The following TASP1 variants were observed in gnomAD, a reference collection of about 807,000 sequenced individuals.
The protein encoded by TASP1 is taspase 1.
TASP1 carries 16 observed loss-of-function variants against 56.6 expected under a neutral mutation model. That is an observed-to-expected ratio of 0.28 (90% CI 0.19 to 0.43). The LOEUF is 0.43. Ranked by LOEUF, TASP1 falls within the 20% of genes least tolerant of loss-of-function variation. TASP1 has a pLI of 1.00. For synonymous variants in TASP1, 179 were observed against 184.2 expected, an observed-to-expected ratio of 0.97 and a Z score of 0.23; for missense variants, 393 against 511.6, an observed-to-expected ratio of 0.77 and a Z score of 2.24.
chr20:13,520,393 CA>C (rs1204276323), intron 10 of TASP1, among the ~76,000 whole-genome samples: 2 of 152,136 alleles, frequency 1.3e-5, no homozygotes, highest in Non-Finnish European at 2.9e-5. Flanking sequence ...CTACAGTAAC[CA>C]AAACAGCACG....
At chr20:13,314,096 A>T in the TASP1 span, among the ~76,000 whole-genome samples, 2 of 152,208 alleles carry the variant, frequency 1.3e-5, no homozygotes, top group Non-Finnish European at 2.9e-5. Context: ...CAAAGAGAAA[A>T]AAAGACTGAA....
At chr20:13,504,589 G>A (rs2044062426) in intron 10 of TASP1, among the ~76,000 whole-genome samples, 1 of 152,010 alleles carries the variant, frequency 6.6e-6, no homozygotes. Flanking sequence ...TGAATTGATG[G>A]TATATAAAAG....
intron 10 of TASP1, among the ~76,000 whole-genome samples, chr20:13,496,053 G>T (rs1392739779): frequency 6.6e-6 from 1 of 151,810 alleles, no homozygotes; most frequent in African/African-American, 2.4e-5. Flanking sequence ...ATTTGATTTT[G>T]ATTTTTTTTT....
At chr20:13,427,831 G>A (rs1382400487) in intron 12 of TASP1, among the ~76,000 whole-genome samples, 1 of 152,138 alleles carries the variant, frequency 6.6e-6, no homozygotes, top group Admixed American at 6.6e-5. Context: ...AAGGGTAGCT[G>A]GACAAATGGA....
At chr20:13,245,202 C>T in the TASP1 span, 2 of 152,296 alleles carry the variant, frequency 1.3e-5, no homozygotes, top group South Asian at 2.1e-4. Flanking sequence ...CGTTTATTAT[C>T]TCAGAACTTC....
At chr20:13,303,891 T>C in the TASP1 span, among the ~76,000 whole-genome samples, 1 of 152,216 alleles carries the variant, frequency 6.6e-6, no homozygotes, top group Non-Finnish European at 1.5e-5. Flanking sequence ...TTATTTAAGG[T>C]GATGCTGGTT....
At chr20:13,331,761 T>A in the TASP1 span, among the ~76,000 whole-genome samples, 9 of 152,146 alleles carry the variant, frequency 5.9e-5, no homozygotes, top group East Asian at 1.4e-3. Flanking sequence ...AGTGCTTTTT[T>A]AAGTATTTTT....
chr20:13,110,666 C>T, the TASP1 span, among the ~76,000 whole-genome samples: 2 of 152,204 alleles, frequency 1.3e-5, no homozygotes, highest in South Asian at 4.2e-4. Flanking sequence ...TTAGTGATTG[C>T]CATCAATACA....
At chr20:13,373,181 C>A in the TASP1 span, among the ~76,000 whole-genome samples, 4 of 152,004 alleles carry the variant, frequency 2.6e-5, no homozygotes, top group African/African-American at 7.2e-5. Flanking sequence ...TGCCTCCACC[C>A]ATCTCCTTTA....
chr20:13,522,939 CAGG>C (rs917436864), intron 10 of TASP1, among the ~76,000 whole-genome samples: 4 of 152,064 alleles, frequency 2.6e-5, no homozygotes, highest in African/African-American at 9.7e-5. Context: ...ACAGTATTTA[CAGG>C]AGGAGCAAGT....
At chr20:13,499,902 C>A (rs1241033799) in intron 10 of TASP1, among the ~76,000 whole-genome samples, 1 of 152,050 alleles carries the variant, frequency 6.6e-6, no homozygotes, top group African/African-American at 2.4e-5. Context: ...ACTATATGTT[C>A]TCTCTCATAA....
the TASP1 span, among the ~76,000 whole-genome samples, chr20:13,223,167 T>A: frequency 0.031 from 4,018 of 129,680 alleles, 113 homozygotes; most frequent in African/African-American, 0.084. Context: ...AAAAAAAAAA[T>A]AAAATAAAAT....
At chr20:13,371,638 T>C in the TASP1 span, among the ~76,000 whole-genome samples, 2 of 152,184 alleles carry the variant, frequency 1.3e-5, no homozygotes, top group Non-Finnish European at 2.9e-5. Flanking sequence ...TTGGGTACAG[T>C]GTTCTATTGA....
At chr20:13,366,588 C>T in the TASP1 span, among the ~76,000 whole-genome samples, 1 of 152,146 alleles carries the variant, frequency 6.6e-6, no homozygotes, top group African/African-American at 2.4e-5. Flanking sequence ...GACCATAGCC[C>T]AACATCTTCC....
chr20:13,175,122 T>C, the TASP1 span, among the ~76,000 whole-genome samples: 3 of 152,218 alleles, frequency 2.0e-5, no homozygotes, highest in Admixed American at 2.0e-4. Context: ...GGTATGTCTT[T>C]ATTAGAAGTG....
chr20:13,253,516 A>G, the TASP1 span, among the ~76,000 whole-genome samples: 6 of 152,172 alleles, frequency 3.9e-5, no homozygotes, highest in Non-Finnish European at 5.9e-5. Flanking sequence ...CTTACCGACT[A>G]TCAGCCACTG....
chr20:13,108,816 C>T, the TASP1 span, among the ~76,000 whole-genome samples: 1 of 152,134 alleles, frequency 6.6e-6, no homozygotes, highest in Non-Finnish European at 1.5e-5. Flanking sequence ...TTTAGCTTTG[C>T]TAGATGTCAC....
intron 8 of TASP1, among the ~76,000 whole-genome samples, chr20:13,542,911 TAGAA>T (rs1489824152): frequency 2.0e-5 from 3 of 148,018 alleles, no homozygotes; most frequent in Admixed American, 1.3e-4. Flanking sequence ...CAAAAGAAAT[TAGAA>T]AGAGAACAAG....
the TASP1 span, among the ~76,000 whole-genome samples, chr20:13,222,312 A>G: frequency 0.11 from 17,365 of 151,952 alleles, 1,412 homozygotes; most frequent in East Asian, 0.29. Context: ...ACGCAAGGAG[A>G]CTTTATAGGA....
Sources: gnomAD v4.1 joint callset for allele counts (sites outside exome capture counted in the v4.1 genomes callset) on GRCh38, gnomAD v4.1.1 for gene constraint, MANE v1.5 for transcripts, NCBI Gene and HGNC (gene_info 2026-07-23, HGNC 2026-07-21) for gene names.